ALDH3B2: variants seen among roughly 807,000 people sequenced by gnomAD.
ALDH3B2 encodes aldehyde dehydrogenase 3 family member B2, also known as aldehyde dehydrogenase family 3 member B2.
ALDH3B2 carries 45 observed loss-of-function variants against 36.7 expected under a neutral mutation model. That is an observed-to-expected ratio of 1.23 (90% CI 0.97 to 1.57). The LOEUF is 1.57. Ranked by LOEUF, ALDH3B2 falls within the 40% of genes most tolerant of loss-of-function variation. ALDH3B2 has a pLI of 0.00. For synonymous variants in ALDH3B2, 217 were observed against 226.5 expected, an observed-to-expected ratio of 0.96 and a Z score of 0.38; for missense variants, 464 against 513.3, an observed-to-expected ratio of 0.90 and a Z score of 0.93.
Position 67,666,501 on chromosome 11 carries a change from G to A in ALDH3B2, c.151+73C>T. The A allele has an allele frequency of 3.7e-6, 6 of 1,607,502 alleles. No homozygotes were observed. In the South Asian group the frequency reaches 6.6e-5, roughly 18 times the overall value. On this transcript the variant is annotated intron_variant, in intron 4 of 9. Coordinates refer to ENST00000349015, the Ensembl canonical transcript of ALDH3B2. Reference sequence around the variant, plus strand: ...CATGTGAGGCCCAGGGTACCTCAGAGCAAGATTCCAGGGGCCTCTTTGGGA... The same window carrying A: ...CATGTGAGGCCCAGGGTACCTCAGAACAAGATTCCAGGGGCCTCTTTGGGA...
chr11:67,665,620 G>T, exon 7 of ALDH3B2: 1 of 1,613,750 alleles, frequency 6.2e-7, no homozygotes, highest in Non-Finnish European at 8.5e-7. Flanking sequence ...GGTGACAGGC[G>T]TCAGGTGCTT....
At chr11:67,662,854 C>T in exon 10 of ALDH3B2, 1 of 256,712 alleles carries the variant, frequency 3.9e-6, no homozygotes, top group Middle Eastern at 1.3e-3. Context: ...CGCTCTCAAC[C>T]GTTCAGGGCT....
chr11:67,679,936 C>A (rs964540308), intron 1 of ALDH3B2, among the ~76,000 whole-genome samples: 9 of 152,248 alleles, frequency 5.9e-5, no homozygotes, highest in Admixed American at 3.9e-4. Flanking sequence ...AATTATAACA[C>A]TTATTACTAG....
At chr11:67,666,057 C>T (rs1421942546) in intron 6 of ALDH3B2, 65 bp downstream of exon 6, 5 of 1,524,228 alleles carry the variant, frequency 3.3e-6, no homozygotes, top group Non-Finnish European at 4.5e-6. Context: ...CCCTCCACAA[C>T]CCTCCCACCC....
chr11:67,665,208 C>G, intron 7 of ALDH3B2, 77 bp downstream of exon 7: 1 of 1,525,836 alleles, frequency 6.6e-7, no homozygotes, highest in Non-Finnish European at 8.8e-7. Context: ...CGAGTCCAGA[C>G]TCGTGGCCCA....
At chr11:67,667,208 TG>T (rs1162176816) in intron 2 of ALDH3B2, among the ~76,000 whole-genome samples, 192 bp from the exon 3 acceptor site, 4 of 152,214 alleles carry the variant, frequency 2.6e-5, no homozygotes, top group Non-Finnish European at 5.9e-5. Context: ...TGTGTGGCCT[TG>T]GGCAAGCGAT....
At chr11:67,678,457 A>C (rs780045045), upstream of ALDH3B2, among the ~76,000 whole-genome samples, 1 of 152,196 alleles carries the variant, frequency 6.6e-6, no homozygotes, top group African/African-American at 2.4e-5. Context: ...CTCACCTTAC[A>C]CAAAAATCAA....
exon 10 of ALDH3B2, chr11:67,662,713 A>C (rs539557706): frequency 2.2e-5 from 4 of 177,942 alleles, no homozygotes; most frequent in Non-Finnish European, 4.8e-5. Context: ...TGTGAACCAG[A>C]GGGGTGGTGC....
At chr11:67,677,433 C>G (rs1490814451), upstream of ALDH3B2, among the ~76,000 whole-genome samples, 1 of 152,112 alleles carries the variant, frequency 6.6e-6, no homozygotes, top group Non-Finnish European at 1.5e-5. Context: ...TCAGCAAAAT[C>G]AGTATACAAG....
upstream of ALDH3B2, among the ~76,000 whole-genome samples, chr11:67,675,131 G>A (rs1348325936): frequency 6.6e-6 from 1 of 152,186 alleles, no homozygotes; most frequent in Admixed American, 6.5e-5. Flanking sequence ...CAGAGGAAGG[G>A]GCTCAGATCT....
chr11:67,666,442 TC>T, intron 4 of ALDH3B2, 41 bp from the exon 5 acceptor site: 1 of 1,605,494 alleles, frequency 6.2e-7, no homozygotes, highest in South Asian at 1.1e-5. Flanking sequence ...GAGCCCAGGG[TC>T]CCCATGCCCA....
intron 2 of ALDH3B2, 84 bp downstream of exon 2, chr11:67,667,389 C>T: frequency 2.8e-6 from 1 of 351,106 alleles, no homozygotes; most frequent in Non-Finnish European, 5.2e-6. Flanking sequence ...GGGACATAGC[C>T]AGTCACTAGG....
upstream of ALDH3B2, among the ~76,000 whole-genome samples, chr11:67,675,779 G>A (rs144329292): frequency 2.2e-3 from 333 of 152,368 alleles, 1 homozygote; most frequent in African/African-American, 7.7e-3. Context: ...TGGCCACTGG[G>A]GAGGCCCACT....
At chr11:67,672,134 G>GTGTGTA (rs1335115763) in intron 1 of ALDH3B2, among the ~76,000 whole-genome samples, 1 of 97,620 alleles carries the variant, frequency 1.0e-5, no homozygotes, top group African/African-American at 4.8e-5. Context: ...GTGTGTGTGT[G>GTGTGTA]TATATATATA....
chr11:67,680,469 T>C (rs1856349963), intron 1 of ALDH3B2, among the ~76,000 whole-genome samples: 1 of 152,172 alleles, frequency 6.6e-6, no homozygotes, highest in African/African-American at 2.4e-5. Context: ...CAGGCTGGAG[T>C]GCAGTGGCAA....
chr11:67,663,041 G>A, exon 10 of ALDH3B2: 1 of 823,466 alleles, frequency 1.2e-6, no homozygotes, highest in Non-Finnish European at 1.9e-6. Context: ...CCCCCAGATA[G>A]AAGCAAGACC....
At chr11:67,663,214 C>G (rs1395288552) in exon 10 of ALDH3B2, 3 of 1,601,988 alleles carry the variant, frequency 1.9e-6, no homozygotes, top group Non-Finnish European at 1.7e-6. Flanking sequence ...GGGTGGGACG[C>G]TCACAGGAGG....
exon 1 of ALDH3B2, chr11:67,674,620 A>T (rs1171662477): frequency 6.5e-6 from 1 of 152,676 alleles, no homozygotes; most frequent in South Asian, 2.1e-4. Flanking sequence ...GCAATGGGGT[A>T]ATCAATGGGG....
intron 2 of ALDH3B2, 77 bp from the exon 3 acceptor site, chr11:67,667,093 C>T (rs1855942931): frequency 3.9e-6 from 3 of 768,300 alleles, no homozygotes; most frequent in African/African-American, 1.7e-5. Flanking sequence ...GGAGGGCACA[C>T]GCAGGCACCA....
Sources: gnomAD v4.1 joint callset for allele counts (sites outside exome capture counted in the v4.1 genomes callset) on GRCh38, gnomAD v4.1.1 for gene constraint, MANE v1.5 for transcripts, NCBI Gene and HGNC (gene_info 2026-07-23, HGNC 2026-07-21) for gene names.